RAB38: variants seen among roughly 807,000 people sequenced by gnomAD.
RAB38 encodes RAB38, member RAS oncogene family, also known as ras-related protein Rab-38.
In RAB38, 15 loss-of-function variants were observed where a neutral mutation model predicts 18.4. The ratio of observed to expected loss-of-function variants is 0.82; its 90% CI spans 0.55 to 1.26. The LOEUF is 1.26. RAB38 is among the 50% of genes most tolerant of loss of function. The pLI is 0.00. For missense variants in RAB38, 294 were observed against 267.4 expected (o/e 1.10, Z -0.69); for synonymous variants, 101 against 104.4 (o/e 0.97, Z 0.20).
the RAB38 span, among the ~76,000 whole-genome samples, chr11:87,845,492 A>T: frequency 6.6e-6 from 1 of 152,136 alleles, no homozygotes; most frequent in South Asian, 2.1e-4. Context: ...AATGGATATG[A>T]TAGTGAAAAT....
At chr11:87,912,406 C>T in the RAB38 span, among the ~76,000 whole-genome samples, 1 of 151,896 alleles carries the variant, frequency 6.6e-6, no homozygotes, top group Non-Finnish European at 1.5e-5. Flanking sequence ...TCACCTATTT[C>T]TTTTTGCATG....
chr11:87,878,301 CCTATCATCTATCTATCATCTATCAAT>C, the RAB38 span, among the ~76,000 whole-genome samples: 1 of 124,330 alleles, frequency 8.0e-6, no homozygotes, highest in Non-Finnish European at 1.8e-5. Context: ...TATCTATCTA[CCTATCATCTATCTATCATCTATCAAT>C]CTATCATCTA....
At chr11:87,975,715 G>A in the RAB38 span, among the ~76,000 whole-genome samples, 1 of 151,676 alleles carries the variant, frequency 6.6e-6, no homozygotes, top group Non-Finnish European at 1.5e-5. Flanking sequence ...TTCTAAATAT[G>A]CTGTAATAAA....
the RAB38 span, chr11:88,098,186 C>T: frequency 1.3e-5 from 2 of 151,810 alleles, no homozygotes; most frequent in Non-Finnish European, 2.9e-5. Context: ...AGGAAAGGGA[C>T]ACATATTTCA....
Position 88,161,339 on chromosome 11 carries a change from T to C in RAB38, c.203-11384A>G, listed in dbSNP as rs550318733. On this transcript the variant is annotated intron_variant, in intron 1 of 2. Transcript: ENST00000243662. ...TCCCACTCTGTTCAATAAAATCCTA[T>C]ACATCCTTCAAATGTGCCCTTAAAT... Among the ~76,000 whole-genome samples, 8 of 152,194 alleles carry C rather than the reference T, an allele frequency of 5.3e-5. No individual in the cohort carries two copies. The South Asian group carries it at 1.2e-3, about 24-fold the overall frequency.
chr11:88,136,127 C>T (rs893190523), intron 2 of RAB38, among the ~76,000 whole-genome samples: 2 of 152,176 alleles, frequency 1.3e-5, no homozygotes, highest in Admixed American at 6.5e-5. Context: ...TTTAGGATAT[C>T]TCTGGACACC....
the RAB38 span, among the ~76,000 whole-genome samples, chr11:87,816,761 C>A: frequency 2.0e-5 from 3 of 151,950 alleles, no homozygotes; most frequent in African/African-American, 4.8e-5. Flanking sequence ...TTCTGAAGAA[C>A]CCTTAATAAT....
chr11:87,939,316 C>G, the RAB38 span, among the ~76,000 whole-genome samples: 1 of 150,836 alleles, frequency 6.6e-6, no homozygotes, highest in Admixed American at 6.6e-5. Flanking sequence ...ACAAAATAAT[C>G]CAAAAGTATG....
the RAB38 span, among the ~76,000 whole-genome samples, chr11:88,088,469 T>A: frequency 3.3e-5 from 5 of 151,890 alleles, no homozygotes; most frequent in African/African-American, 1.2e-4. Flanking sequence ...TTGTAATTAA[T>A]CATCAGGTGA....
intron 1 of RAB38, among the ~76,000 whole-genome samples, chr11:88,158,728 T>C (rs1475189134): frequency 6.6e-6 from 1 of 152,000 alleles, no homozygotes; most frequent in Non-Finnish European, 1.5e-5. Context: ...CCCTTCATAA[T>C]AAAAACCCTC....
At chr11:88,084,462 G>T in the RAB38 span, among the ~76,000 whole-genome samples, 1 of 151,794 alleles carries the variant, frequency 6.6e-6, no homozygotes, top group South Asian at 2.1e-4. Context: ...TACAAGAAAA[G>T]AAGGAAAATG....
At chr11:88,134,394 C>G (rs1942806858) in intron 2 of RAB38, among the ~76,000 whole-genome samples, 1 of 146,636 alleles carries the variant, frequency 6.8e-6, no homozygotes, top group African/African-American at 2.5e-5. Flanking sequence ...GTGTCTGCCA[C>G]CATGCCTGGT....
At chr11:88,018,023 C>T in the RAB38 span, among the ~76,000 whole-genome samples, 4 of 152,038 alleles carry the variant, frequency 2.6e-5, no homozygotes, top group Admixed American at 6.6e-5. Flanking sequence ...ATGAGACATG[C>T]CTTTCACCTT....
the RAB38 span, among the ~76,000 whole-genome samples, chr11:88,058,248 T>G: frequency 6.6e-6 from 1 of 152,292 alleles, no homozygotes; most frequent in East Asian, 1.9e-4. Flanking sequence ...ACCATAACCA[T>G]GAAATCTAGG....
intron 1 of RAB38, among the ~76,000 whole-genome samples, chr11:88,150,732 C>T (rs532217607): frequency 6.6e-6 from 1 of 152,148 alleles, no homozygotes; most frequent in Non-Finnish European, 1.5e-5. Flanking sequence ...CTTAAGAAAT[C>T]ATAATTCAAA....
At chr11:88,031,066 G>A in the RAB38 span, among the ~76,000 whole-genome samples, 1 of 150,718 alleles carries the variant, frequency 6.6e-6, no homozygotes, top group Non-Finnish European at 1.5e-5. Context: ...ATGCAAGGCT[G>A]GTTCAATATA....
At chr11:87,816,227 G>A in the RAB38 span, 1 of 152,424 alleles carries the variant, frequency 6.6e-6, no homozygotes, top group East Asian at 1.9e-4. Context: ...AGCAATAATG[G>A]CATATCCTTT....
chr11:87,893,059 C>T, the RAB38 span, among the ~76,000 whole-genome samples: 1 of 151,530 alleles, frequency 6.6e-6, no homozygotes, highest in African/African-American at 2.4e-5. Context: ...TCCACAGATA[C>T]TCCATGTATA....
At chr11:88,047,397 C>T in the RAB38 span, among the ~76,000 whole-genome samples, 408 of 152,260 alleles carry the variant, frequency 2.7e-3, 3 homozygotes, top group African/African-American at 7.0e-3. Context: ...CAGGCCTAAT[C>T]GCCACTCACC....
Sources: gnomAD v4.1 joint callset for allele counts (sites outside exome capture counted in the v4.1 genomes callset) on GRCh38, gnomAD v4.1.1 for gene constraint, MANE v1.5 for transcripts, NCBI Gene and HGNC (gene_info 2026-07-23, HGNC 2026-07-21) for gene names.